The following JAKMIP1 variants were observed in gnomAD, a reference collection of about 807,000 sequenced individuals.
The protein encoded by JAKMIP1 is janus kinase and microtubule interacting protein 1, also known as janus kinase and microtubule-interacting protein 1.
A neutral mutation model predicts 113.0 loss-of-function variants in JAKMIP1; 33 were observed. The observed-to-expected ratio is 0.29, with a 90% CI of 0.22 to 0.39. JAKMIP1 has a LOEUF of 0.39. Ranked by LOEUF, JAKMIP1 falls within the 10% of genes least tolerant of loss-of-function variation. JAKMIP1 has a pLI of 1.00. For synonymous variants in JAKMIP1, 480 were observed against 459.9 expected, an observed-to-expected ratio of 1.04 and a Z score of -0.56; for missense variants, 813 against 1,080.5, an observed-to-expected ratio of 0.75 and a Z score of 3.47.
rs773766978 is a variant in JAKMIP1 at position 6,040,642 on chromosome 4, G to A, written c.2172C>T (p.Tyr724=). Residue 724 remains tyrosine, a synonymous_variant, in exon 18 of 21, where the codon TAC becomes TAT. Transcript: ENST00000409021. The surrounding 1 kb of genome is among the most constrained non-coding windows in gnomAD (Gnocchi z 5.8). ...TCAAACCCACTTCTGGTCCTACCAG[G>A]TAAGCCTGGTCAAGGGCTTGCTTCC... The part of the protein sequence containing the change: ...DYRKQALDQA[Y]LKIQDLEATL... 9 of 1,612,164 alleles carry A rather than the reference G, an allele frequency of 5.6e-6. No homozygotes were observed. In the South Asian group the frequency reaches 8.8e-5, roughly 16 times the overall value.
In JAKMIP1 at chr4:6,179,328, G is replaced by A. The variant is rs2109037468; in HGVS notation, c.-148+20925C>T. On this transcript the variant is annotated intron_variant, in intron 1 of 20. Transcript: ENST00000409021. The surrounding 1 kb of genome is among the most constrained non-coding windows in gnomAD (Gnocchi z 4.5). The stretch of plus-strand genomic sequence containing the variant: ...TACCATCTTGCATGGTGGTTGAGAG[G>A]CTTAAAGAGGAACCTAAAGCACCTG... Among the ~76,000 whole-genome samples the A allele has an allele frequency of 6.6e-6, 1 of 152,266 alleles. No individual in the cohort carries two copies. Among genetic ancestry groups the A allele is most frequent in the Non-Finnish European group, 1.5e-5 (1 of 68,020 alleles).
Position 6,084,873 on chromosome 4 carries a change from C to A in JAKMIP1, c.927G>T (p.Thr309=). The A allele has an allele frequency of 6.3e-7, 1 of 1,591,388 alleles. No homozygotes were observed. The highest frequency in any genetic ancestry group is 8.5e-7 in the Non-Finnish European group (1 of 1,170,300). The change falls in exon 5 of 21, where the codon ACG becomes ACT. Residue 309 remains threonine, a synonymous_variant. Coordinates refer to ENST00000409021, the MANE Select transcript of JAKMIP1 (RefSeq NM_001099433.2). ...SVIRKLEDRN[T]LLADERNELL... is the part of the protein sequence containing the mutation. ...GTTCATTCCTCTCATCTGCCAACAGCGTATTTCTGTCTTCCAGCTTCCGTA... is the reference window on the plus strand; with the variant it reads ...GTTCATTCCTCTCATCTGCCAACAGAGTATTTCTGTCTTCCAGCTTCCGTA...
At chr4:6,058,454 G>A (rs1419921309) in intron 11 of JAKMIP1, among the ~76,000 whole-genome samples, 5 of 152,278 alleles carry the variant, frequency 3.3e-5, no homozygotes, top group East Asian at 3.9e-4. Context: ...GTCCCAGCTC[G>A]CAGCTTATGT....
rs560072151 is a variant in JAKMIP1, at chr4:6,079,816, CCAAA to C, written c.1242+352_1242+355del. The stretch of plus-strand genomic sequence containing the variant: ...AGCTAAAAACCAACCAACCAACCAA[CCAAA>C]CAAACAAAAAGCCTTCTCTGGAACA... On this transcript the variant is annotated intron_variant, in intron 7 of 20. Transcript: ENST00000409021. Among the ~76,000 whole-genome samples the C allele has an allele frequency of 4.6e-3, 700 of 152,212 alleles. 4 individuals carry two copies. The highest frequency in any genetic ancestry group is 0.013 in the African/African-American group (523 of 41,536).
rs1713818417 is a variant in JAKMIP1 at position 6,105,719 on chromosome 4, G to C, written c.378C>G (p.Asp126Glu). The change falls in exon 3 of 21, where the codon GAC becomes GAG. Residue 126 changes from aspartate (D) to glutamate (E), a missense_variant. Asp to Glu is a conservative substitution (Grantham distance 45). Coordinates refer to ENST00000409021, the MANE Select transcript of JAKMIP1 (RefSeq NM_001099433.2). Reference protein sequence around the residue: ...TLNVLRDGAADKVKTALLTEA... With the variant: ...TLNVLRDGAAEKVKTALLTEA... ...CGGTCAGCAGCGCCGTCTTGACCTT[G>C]TCGGCCGCGCCGTCGCGCAGCACGT... 1 of 1,601,740 alleles carries C rather than the reference G, an allele frequency of 6.2e-7. No homozygotes were observed.
Position 6,031,177 on chromosome 4 carries a change from A to G in JAKMIP1, c.2380-1396T>C, listed in dbSNP as rs138564935. 0.044 allele frequency among the ~76,000 whole-genome samples: 6,690 copies of G among 152,288 alleles called. 438 individuals carry two copies. The highest frequency in any genetic ancestry group is 0.15 in the African/African-American group (6,038 of 41,542). ...GCTGGGCACGGTGGCTCAAGCCTGTAATCCCAGCACTTTTGGAGGCCGAGG... is the reference window on the plus strand; with the variant it reads ...GCTGGGCACGGTGGCTCAAGCCTGTGATCCCAGCACTTTTGGAGGCCGAGG... On this transcript the variant is annotated intron_variant, in intron 19 of 20. Coordinates refer to ENST00000409021, the MANE Select transcript of JAKMIP1 (RefSeq NM_001099433.2). The surrounding 1 kb of genome is among the most constrained non-coding windows in gnomAD (Gnocchi z 4.4).
intron 3 of JAKMIP1, among the ~76,000 whole-genome samples, chr4:6,098,566 GAA>G (rs375654907): frequency 0.25 from 5,735 of 23,294 alleles, 409 homozygotes; most frequent in African/African-American, 0.35. Context: ...AAGAAAGAAA[GAA>G]AGAAAGAAAG....
rs1163512209 is a variant in JAKMIP1, at chr4:6,081,586, T to C, written c.1101+23A>G. ...GACAGAGAAGGGAGTGTCAGGGCTG[T>C]CCCCAAGGGGTCCACAGCTCACCAT... is the stretch of plus-strand genomic sequence containing the variant. On this transcript the variant is annotated intron_variant, in intron 6 of 20. Transcript: ENST00000409021. The surrounding 1 kb of genome is among the most constrained non-coding windows in gnomAD (Gnocchi z 4.6). The C allele has an allele frequency of 1.9e-6, 3 of 1,613,750 alleles. No homozygotes were observed. The highest frequency in any genetic ancestry group is 1.3e-5 in the African/African-American group (1 of 75,048).
At chr4:6,125,876 C>T (rs1181944112) in intron 1 of JAKMIP1, among the ~76,000 whole-genome samples, 1 of 53,234 alleles carries the variant, frequency 1.9e-5, no homozygotes. Context: ...GCGCCATACA[C>T]TCCATACACA....
At position 6,118,913 on chromosome 4, in the gene JAKMIP1, T is replaced by A. The variant is rs143140022; in HGVS notation, c.-147-5916A>T. 6.0e-3 allele frequency among the ~76,000 whole-genome samples: 917 copies of A among 152,324 alleles called. 7 individuals carry two copies. The highest frequency in any genetic ancestry group is 0.01 in the Middle Eastern group (3 of 294). Reference sequence around the variant, plus strand: ...TGTAACGAAGTTAAAGATCTCAAGATGAAATCATCCTGCAGTAGGATGAAG... The same window carrying A: ...TGTAACGAAGTTAAAGATCTCAAGAAGAAATCATCCTGCAGTAGGATGAAG... On this transcript the variant is annotated intron_variant, in intron 1 of 20. Coordinates refer to ENST00000409021, the MANE Select transcript of JAKMIP1 (RefSeq NM_001099433.2).
In JAKMIP1 at chr4:6,193,175, C is replaced by T. The variant is rs1463807129; in HGVS notation, c.-148+7078G>A. Among the ~76,000 whole-genome samples the T allele has an allele frequency of 2.0e-5, 3 of 151,928 alleles. No homozygotes were observed. The highest frequency in any genetic ancestry group is 4.4e-5 in the Non-Finnish European group (3 of 67,982). ...CTCGGACATCAGACTGCAAGTTCTT[C>T]AGCTTTTGGACTCTTGGACCTACAC... is the stretch of plus-strand genomic sequence containing the variant. On this transcript the variant is annotated intron_variant, in intron 1 of 20. Coordinates refer to ENST00000409021, the MANE Select transcript of JAKMIP1 (RefSeq NM_001099433.2). The surrounding 1 kb of genome is among the most constrained non-coding windows in gnomAD (Gnocchi z 6.4).
Position 6,139,864 on chromosome 4 carries a change from A to T in JAKMIP1, c.-147-26867T>A, listed in dbSNP as rs1719851130. ...GAACACCATGTGACGACGAAGGAGG[A>T]GGTCACGGGGCAGATTCCACGAGCC... On this transcript the variant is annotated intron_variant, in intron 1 of 20. Transcript: ENST00000409021. The surrounding 1 kb of genome is among the most constrained non-coding windows in gnomAD (Gnocchi z 5.2). 1.3e-5 allele frequency among the ~76,000 whole-genome samples: 2 copies of T among 152,102 alleles called. No homozygotes were observed.
chr4:6,193,382 A>C lies in JAKMIP1; in HGVS notation c.-148+6871T>G, dbSNP rs902717125. 2.0e-5 allele frequency among the ~76,000 whole-genome samples: 3 copies of C among 151,460 alleles called. No homozygotes were observed. The highest frequency in any genetic ancestry group is 4.4e-5 in the Non-Finnish European group (3 of 67,862). ...TCGGTGAGTCAATTCTCCTTAATAA[A>C]CTCCTTTTCATATACACATATATCC... is the stretch of plus-strand genomic sequence containing the variant. On this transcript the variant is annotated intron_variant, in intron 1 of 20. Coordinates refer to ENST00000409021, the MANE Select transcript of JAKMIP1 (RefSeq NM_001099433.2). This position sits in a 1 kb window ranked among gnomAD's most constrained non-coding sequence, Gnocchi z 6.4.
In JAKMIP1 at chr4:6,185,743, G is replaced by A. The variant is rs1442755522; in HGVS notation, c.-148+14510C>T. Among the ~76,000 whole-genome samples, 1 of 152,174 alleles carries A rather than the reference G, an allele frequency of 6.6e-6. No homozygotes were observed. Among genetic ancestry groups the A allele is most frequent in the African/African-American group, 2.4e-5 (1 of 41,432 alleles). On this transcript the variant is annotated intron_variant, in intron 1 of 20. Coordinates refer to ENST00000409021, the MANE Select transcript of JAKMIP1 (RefSeq NM_001099433.2). This position sits in a 1 kb window ranked among gnomAD's most constrained non-coding sequence, Gnocchi z 5.3. ...GTGGTTCTGAGCTGCTCCCAGGTGA[G>A]GCTGCTGCTGGCCCAGGACCTCATT...
rs1205595898 is a variant in JAKMIP1, at chr4:6,155,031, C to T, written c.-147-42034G>A. ...CCTGTGGATAAAGGAATTTAAAGCT[C>T]ATTCCCGAGCAGTGGGAAGACAGTC... On this transcript the variant is annotated intron_variant, in intron 1 of 20. Transcript: ENST00000409021. The surrounding 1 kb of genome is among the most constrained non-coding windows in gnomAD (Gnocchi z 6.1). 6.6e-6 allele frequency among the ~76,000 whole-genome samples: 1 copy of T among 152,146 alleles called. No individual in the cohort carries two copies. The highest frequency in any genetic ancestry group is 2.4e-5 in the African/African-American group (1 of 41,420).
chr4:6,134,181 C>A (rs4364330), intron 1 of JAKMIP1, among the ~76,000 whole-genome samples: 2 of 152,040 alleles, frequency 1.3e-5, no homozygotes, highest in African/African-American at 2.4e-5. Flanking sequence ...ACAGTTCCTC[C>A]TTCACATACT....
At chr4:6,110,438 G>C (rs534970624) in intron 2 of JAKMIP1, among the ~76,000 whole-genome samples, 3 of 151,568 alleles carry the variant, frequency 2.0e-5, no homozygotes, top group Non-Finnish European at 4.4e-5. Flanking sequence ...TGTGGGACTT[G>C]GTTACTGCAG....
chr4:6,029,766 C>T lies in JAKMIP1; in HGVS notation c.2395G>A (p.Glu799Lys), dbSNP rs369217731. Residue 799 changes from glutamate to lysine, a missense_variant, in exon 20 of 21, where the codon GAG becomes AAG. Physicochemically the swap from Glu to Lys is moderately conservative, Grantham distance 56. This residue lies in a region of JAKMIP1 where 273 missense variants were observed against 426.6 expected (regional missense o/e 0.64). Coordinates refer to ENST00000409021, the MANE Select transcript of JAKMIP1 (RefSeq NM_001099433.2). ...CGCTTCTGAAACTCCAGTTTGTCCT[C>T]CAGTTCTCGGATTCTCTGAAATACA... Reference protein sequence around the residue: ...QQAQQRIRELEDKLEFQKRHL... With the variant: ...QQAQQRIRELKDKLEFQKRHL... 91 of 1,604,206 alleles carry T rather than the reference C, an allele frequency of 5.7e-5. No individual in the cohort carries two copies. The highest frequency in any genetic ancestry group is 7.4e-5 in the Non-Finnish European group (87 of 1,175,182).
chr4:6,162,736 A>C lies in JAKMIP1; in HGVS notation c.-148+37517T>G, dbSNP rs1391232413. Among the ~76,000 whole-genome samples, 1 of 152,168 alleles carries C rather than the reference A, an allele frequency of 6.6e-6. No individual in the cohort carries two copies. Among genetic ancestry groups the C allele is most frequent in the Non-Finnish European group, 1.5e-5 (1 of 68,034 alleles). On this transcript the variant is annotated intron_variant, in intron 1 of 20. Coordinates refer to ENST00000409021, the MANE Select transcript of JAKMIP1 (RefSeq NM_001099433.2). The surrounding 1 kb of genome is among the most constrained non-coding windows in gnomAD (Gnocchi z 5.6). ...TTTACAGGTAATAAAACTGGCTCAGAAAGGTTAAGTGACTTGCCCAAGGTC... is the reference window on the plus strand; with the variant it reads ...TTTACAGGTAATAAAACTGGCTCAGCAAGGTTAAGTGACTTGCCCAAGGTC...
Sources: gnomAD v4.1 joint callset for allele counts (sites outside exome capture counted in the v4.1 genomes callset) on GRCh38, gnomAD v4.1.1 for gene constraint, gnomAD v4.1.1 regional missense constraint, Gnocchi (gnomAD v3.1) non-coding constraint, MANE v1.5 for transcripts, NCBI Gene and HGNC (gene_info 2026-07-23, HGNC 2026-07-21) for gene names.